Variants in ABI3BP observed in about 807,000 individuals in gnomAD.
ABI3BP encodes target of Nesh-SH3.
Under a neutral mutation model 268.6 loss-of-function variants are expected in ABI3BP, and 216 were observed. The observed-to-expected ratio is 0.80, with a 90% CI of 0.72 to 0.90. The LOEUF is 0.90. ABI3BP is among the 40% of genes least tolerant of loss of function. The probability of loss-of-function intolerance (pLI) is 0.00; values close to 1 mark genes in which losing one functional copy is unlikely to be tolerated. For synonymous variants in ABI3BP, 730 were observed against 730.0 expected (o/e 1.00, Z 0.00); for missense variants, 2,090 against 2,182.4 (o/e 0.96, Z 0.84).
chr3:100,944,949 G>A (rs1259020195), intron 1 of ABI3BP, among the ~76,000 whole-genome samples: 3 of 152,136 alleles, frequency 2.0e-5, no homozygotes, highest in African/African-American at 7.2e-5. Flanking sequence ...TTAATAACAT[G>A]TTGTGGAAGA....
chr3:100,932,369 T>C (rs2063937188), intron 1 of ABI3BP, among the ~76,000 whole-genome samples: 5 of 152,114 alleles, frequency 3.3e-5, no homozygotes, highest in Admixed American at 6.6e-5. Context: ...AAGGAGCTTC[T>C]GCACAGCAAA....
At chr3:100,875,145 G>A (rs1418324349) in intron 8 of ABI3BP, among the ~76,000 whole-genome samples, 1 of 151,992 alleles carries the variant, frequency 6.6e-6, no homozygotes, top group East Asian at 1.9e-4. Context: ...AAATCCTCTG[G>A]CTTTTAATCC....
Position 100,839,632 on chromosome 3 carries a change from C to T in ABI3BP, c.1898-16G>A. The T allele has an allele frequency of 2.0e-6, 3 of 1,535,624 alleles. No individual in the cohort carries two copies. The highest frequency in any genetic ancestry group is 1.7e-6 in the Non-Finnish European group (2 of 1,146,572). On this transcript the variant is annotated splice_polypyrimidine_tract_variant and intron_variant, in intron 23 of 67. Transcript: ENST00000471714. ...GGTTCCAGAGCTACAGAAGCAAATA[C>T]CAAAAACATGAAATATTTCAAGAAG...
At chr3:100,977,421 T>C (rs1311181354) in intron 1 of ABI3BP, among the ~76,000 whole-genome samples, 1 of 145,562 alleles carries the variant, frequency 6.9e-6, no homozygotes, top group African/African-American at 2.6e-5. Context: ...AGTTAAGATA[T>C]TGGCCAGGAT....
At chr3:100,881,895 T>G (rs2039467494) in intron 6 of ABI3BP, among the ~76,000 whole-genome samples, 1 of 152,176 alleles carries the variant, frequency 6.6e-6, no homozygotes, top group Non-Finnish European at 1.5e-5. Flanking sequence ...TGCTATATGT[T>G]CTGGGCACAA....
At chr3:100,940,011 T>C (rs2068182143) in intron 1 of ABI3BP, among the ~76,000 whole-genome samples, 1 of 152,142 alleles carries the variant, frequency 6.6e-6, no homozygotes, top group Admixed American at 6.6e-5. Flanking sequence ...TAGGGCTCTG[T>C]TCCGCCCGGC....
In ABI3BP at chr3:100,867,657, A is replaced by G. The variant is rs565445525; in HGVS notation, c.911-701T>C. 3.4e-3 allele frequency among the ~76,000 whole-genome samples: 510 copies of G among 151,336 alleles called. 5 individuals carry two copies. The highest frequency in any genetic ancestry group is 0.011 in the African/African-American group (474 of 41,296). On this transcript the variant is annotated intron_variant, in intron 9 of 67. Coordinates refer to ENST00000471714, the MANE Select transcript of ABI3BP (RefSeq NM_001375547.2). ...CCCCGTCTCAAAAAAAAAAAAAAAA[A>G]AAAAGAAAATTTCCGTTATTCTACA...
At chr3:100,833,872 C>T (rs1055138782) in intron 29 of ABI3BP, among the ~76,000 whole-genome samples, 2 of 152,196 alleles carry the variant, frequency 1.3e-5, no homozygotes, top group African/African-American at 4.8e-5. Context: ...AATCAGGTTG[C>T]ACTTGCAATT....
intron 13 of ABI3BP, 128 bp from the exon 14 acceptor site, chr3:100,862,513 G>C (rs2099009364): frequency 3.1e-6 from 2 of 635,444 alleles, no homozygotes; most frequent in African/African-American, 1.8e-5. Flanking sequence ...ACAATAAAAA[G>C]TCATTATATA....
intron 1 of ABI3BP, among the ~76,000 whole-genome samples, chr3:100,958,866 C>T (rs1238003234): frequency 2.0e-5 from 3 of 152,182 alleles, no homozygotes; most frequent in Non-Finnish European, 2.9e-5. Flanking sequence ...TTTTTATCTA[C>T]TTGTGGGCTC....
chr3:100,830,130 T>C (rs1329654469), intron 32 of ABI3BP, among the ~76,000 whole-genome samples: 10 of 47,632 alleles, frequency 2.1e-4, no homozygotes, highest in African/African-American at 3.5e-4. Context: ...TATATATATA[T>C]ATATATATAT....
At chr3:100,902,484 G>A (rs1471540966) in intron 3 of ABI3BP, 134 bp downstream of exon 3, 3 of 719,008 alleles carry the variant, frequency 4.2e-6, no homozygotes, top group Non-Finnish European at 6.8e-6. Flanking sequence ...AGGGTAAACT[G>A]TGGACCCAGG....
chr3:100,819,326 ACTT>A (rs1394629706), intron 40 of ABI3BP, among the ~76,000 whole-genome samples: 1 of 152,030 alleles, frequency 6.6e-6, no homozygotes, highest in Non-Finnish European at 1.5e-5. Flanking sequence ...TTAAGACCCA[ACTT>A]CTTTCCAATT....
chr3:100,866,720 T>G (rs907107029), intron 10 of ABI3BP, among the ~76,000 whole-genome samples, 159 bp downstream of exon 10: 1 of 152,194 alleles, frequency 6.6e-6, no homozygotes, highest in African/African-American at 2.4e-5. Flanking sequence ...GCAGCTATTG[T>G]TTTCCCAAAC....
intron 1 of ABI3BP, among the ~76,000 whole-genome samples, chr3:100,980,086 TGAAA>T (rs750201399): frequency 5.3e-5 from 8 of 152,230 alleles, no homozygotes; most frequent in Non-Finnish European, 1.2e-4. Flanking sequence ...CTTGTTTTGC[TGAAA>T]GACTGTCTAT....
At chr3:100,909,509 C>T (rs1169111486) in intron 2 of ABI3BP, among the ~76,000 whole-genome samples, 3 of 152,134 alleles carry the variant, frequency 2.0e-5, no homozygotes, top group African/African-American at 7.2e-5. Context: ...TTTTTGTGAT[C>T]TATCCATCTG....
chr3:100,878,415 T>C (rs1268345754), intron 6 of ABI3BP, among the ~76,000 whole-genome samples: 1 of 152,228 alleles, frequency 6.6e-6, no homozygotes, highest in Non-Finnish European at 1.5e-5. Flanking sequence ...AAATTACATT[T>C]ATAAGCAGAA....
In ABI3BP at chr3:100,752,836, C is replaced by G; in HGVS notation, c.5073G>C (p.Gln1691His). Reference protein sequence around the residue: ...RTWYKKFVGVQLCNSLRYKIY... With the variant: ...RTWYKKFVGVHLCNSLRYKIY... ...TCTTGTATCTGAGAGAGTTGCACAGCTGCACTCCTACAAATTTTTTATACC... is the reference window on the plus strand; with the variant it reads ...TCTTGTATCTGAGAGAGTTGCACAGGTGCACTCCTACAAATTTTTTATACC... Residue 1691 changes from glutamine (Q) to histidine (H), a missense_variant, in exon 66 of 68, where the codon CAG becomes CAC. Gln to His is a conservative substitution (Grantham distance 24). Transcript: ENST00000471714. 6.2e-7 allele frequency: 1 copy of G among 1,613,578 alleles called. No homozygotes were observed.
chr3:100,816,527 C>T, intron 43 of ABI3BP, 161 bp downstream of exon 43: 2 of 722,882 alleles, frequency 2.8e-6, no homozygotes, highest in Non-Finnish European at 4.9e-6. Flanking sequence ...TCCTGGATAG[C>T]TCTGTACGAG....
Sources: allele counts gnomAD v4.1 joint callset (sites outside exome capture counted in the v4.1 genomes callset), GRCh38; gene constraint gnomAD v4.1.1; transcripts MANE v1.5; gene names NCBI Gene and HGNC (gene_info 2026-07-23, HGNC 2026-07-21).